MAGI1: variants seen among roughly 807,000 people sequenced by gnomAD.
MAGI1 encodes the protein membrane associated guanylate kinase, WW and PDZ domain containing 1, also known as membrane-associated guanylate kinase, WW and PDZ domain-containing protein 1.
MAGI1 carries 58 observed loss-of-function variants against 139.9 expected under a neutral mutation model. The ratio of observed to expected loss-of-function variants is 0.41; its 90% CI spans 0.34 to 0.52. MAGI1 has a LOEUF of 0.52. Ranked by LOEUF, MAGI1 falls within the 20% of genes least tolerant of loss-of-function variation. The probability of loss-of-function intolerance (pLI) is 0.12; values close to 1 mark genes in which losing one functional copy is unlikely to be tolerated. For synonymous variants in MAGI1, 812 were observed against 737.9 expected (o/e 1.10, Z -1.63); for missense variants, 1,874 against 1,901.6 (o/e 0.99, Z 0.27).
At chr3:65,549,538 G>A (rs943996482) in intron 2 of MAGI1, 254 of 938,658 alleles carry the variant, frequency 2.7e-4, no homozygotes, top group Non-Finnish European at 3.1e-4. Context: ...TATGGGGCTC[G>A]CAGGCAGTAG....
chr3:65,955,336 CTAAA>C (rs1318189338), intron 1 of MAGI1, among the ~76,000 whole-genome samples: 1 of 152,162 alleles, frequency 6.6e-6, no homozygotes, highest in African/African-American at 2.4e-5. Context: ...CCTCTTAAAA[CTAAA>C]TAAATAAATA....
chr3:65,704,718 T>G (rs898873428), intron 1 of MAGI1, among the ~76,000 whole-genome samples: 1 of 152,016 alleles, frequency 6.6e-6, no homozygotes, highest in African/African-American at 2.4e-5. Flanking sequence ...TGCATTCAAG[T>G]GCATGACGAC....
At chr3:65,514,408 A>C (rs868166309) in intron 2 of MAGI1, among the ~76,000 whole-genome samples, 1,855 of 118,334 alleles carry the variant, frequency 0.016, 114 homozygotes, top group African/African-American at 0.058. Context: ...CAACCTACTC[A>C]TCTGACAAAG....
intron 1 of MAGI1, among the ~76,000 whole-genome samples, chr3:65,784,537 C>A (rs2039219288): frequency 6.6e-6 from 1 of 152,066 alleles, no homozygotes; most frequent in South Asian, 2.1e-4. Flanking sequence ...AACCCTGTCT[C>A]TACTAAAAAT....
chr3:65,950,938 T>C (rs2063807343), intron 1 of MAGI1, among the ~76,000 whole-genome samples: 1 of 123,800 alleles, frequency 8.1e-6, no homozygotes, highest in Non-Finnish European at 1.6e-5. Context: ...CTAGGAACAA[T>C]GATAGTTGGT....
chr3:65,876,557 A>C (rs2060126137), intron 1 of MAGI1, among the ~76,000 whole-genome samples: 2 of 152,196 alleles, frequency 1.3e-5, no homozygotes, highest in South Asian at 4.1e-4. Context: ...ATCACAATAA[A>C]TATAAATATG....
intron 1 of MAGI1, among the ~76,000 whole-genome samples, chr3:65,940,328 T>C (rs764736510): frequency 9.2e-5 from 14 of 152,222 alleles, no homozygotes; most frequent in Non-Finnish European, 1.3e-4. Flanking sequence ...ACTGAGTCAC[T>C]TATAAATAAC....
At chr3:65,469,481 C>T (rs567051190) in intron 5 of MAGI1, among the ~76,000 whole-genome samples, 10 of 150,976 alleles carry the variant, frequency 6.6e-5, no homozygotes, top group East Asian at 5.8e-4. Context: ...TTTCAAATGT[C>T]GGCTTTTTTT....
intron 2 of MAGI1, among the ~76,000 whole-genome samples, chr3:65,571,815 C>T (rs1334407440): frequency 6.6e-6 from 1 of 151,918 alleles, no homozygotes; most frequent in African/African-American, 2.4e-5. Context: ...ATGTATTAAA[C>T]AAAAACATAA....
chr3:65,523,564 C>A (rs960620722), intron 2 of MAGI1, among the ~76,000 whole-genome samples: 2 of 152,108 alleles, frequency 1.3e-5, no homozygotes, highest in African/African-American at 4.8e-5. Flanking sequence ...GCTGTTCTCC[C>A]ACTAGTCTCT....
rs12633672 is a variant in MAGI1, at chr3:65,898,405, A to G, written c.313+139591T>C. Among the ~76,000 whole-genome samples the G allele has an allele frequency of 7.6e-4, 116 of 152,326 alleles. 1 individual carries two copies. In the East Asian group the frequency reaches 0.021, roughly 28 times the overall value. On this transcript the variant is annotated intron_variant, in intron 1 of 22. Transcript: ENST00000402939. ...TAGTGTGGCATCATAAAAAGTAGGC[A>G]TTTACTTGTAAAAATTAAATGCACA...
intron 1 of MAGI1, among the ~76,000 whole-genome samples, chr3:65,986,505 C>A (rs1193891724): frequency 9.9e-5 from 15 of 152,170 alleles, no homozygotes; most frequent in Admixed American, 7.9e-4. Flanking sequence ...TTAGCTCTTG[C>A]CTTGATGTTC....
At chr3:65,957,136 T>C (rs1188478199) in intron 1 of MAGI1, among the ~76,000 whole-genome samples, 4 of 152,024 alleles carry the variant, frequency 2.6e-5, no homozygotes, top group East Asian at 1.9e-4. Context: ...TAATTTGTAA[T>C]AGTCCAAACT....
chr3:65,505,097 C>A (rs560275606), intron 2 of MAGI1, among the ~76,000 whole-genome samples: 1 of 152,056 alleles, frequency 6.6e-6, no homozygotes, highest in African/African-American at 2.4e-5. Flanking sequence ...TATACCCTAG[C>A]GCTAAAAGTT....
chr3:65,571,984 T>TA (rs1482404572), intron 2 of MAGI1, among the ~76,000 whole-genome samples: 1 of 151,702 alleles, frequency 6.6e-6, no homozygotes, highest in Non-Finnish European at 1.5e-5. Context: ...TGGGTGGAGA[T>TA]AAAAAATAAG....
chr3:65,703,935 G>T (rs1470618817), intron 1 of MAGI1, among the ~76,000 whole-genome samples: 1 of 152,210 alleles, frequency 6.6e-6, no homozygotes, highest in African/African-American at 2.4e-5. Flanking sequence ...TGGGCTTAAA[G>T]TTGTTTCAAG....
chr3:65,498,995 A>G (rs1165615612), intron 2 of MAGI1: 1 of 984,870 alleles, frequency 1.0e-6, no homozygotes, highest in Non-Finnish European at 1.2e-6. Flanking sequence ...CACTCAAAAT[A>G]AGAACAAGAA....
At chr3:65,500,889 A>C (rs148463877) in intron 2 of MAGI1, among the ~76,000 whole-genome samples, 13 of 152,334 alleles carry the variant, frequency 8.5e-5, no homozygotes, top group African/African-American at 3.1e-4. Flanking sequence ...CGTGTTAAGA[A>C]CAGATCATCA....
chr3:65,597,925 T>TGGGGGGGGGGGGGGGGGGGGGG, intron 2 of MAGI1: 1 of 394,352 alleles, frequency 2.5e-6, no homozygotes, highest in Non-Finnish European at 5.0e-6. Flanking sequence ...GAGGCGGGGG[T>TGGGGGGGGGGGGGGGGGGGGGG]GGGGGGGGGG....
Sources: gnomAD v4.1 joint callset for allele counts (sites outside exome capture counted in the v4.1 genomes callset) on GRCh38, gnomAD v4.1.1 for gene constraint, MANE v1.5 for transcripts, NCBI Gene and HGNC (gene_info 2026-07-23, HGNC 2026-07-21) for gene names.